KCNIP4: variants seen among roughly 807,000 people sequenced by gnomAD.
KCNIP4 encodes potassium voltage-gated channel interacting protein 4.
KCNIP4 carries 12 observed loss-of-function variants against 34.0 expected under a neutral mutation model. That is an observed-to-expected ratio of 0.35 (90% CI 0.23 to 0.57). The LOEUF is 0.57. Ranked by LOEUF, KCNIP4 falls within the 20% of genes least tolerant of loss-of-function variation. The pLI is 0.83. For missense variants in KCNIP4, 238 were observed against 311.7 expected, an observed-to-expected ratio of 0.76 and a Z score of 1.78; for synonymous variants, 124 against 102.2, an observed-to-expected ratio of 1.21 and a Z score of -1.29.
intron 1 of KCNIP4, among the ~76,000 whole-genome samples, chr4:21,199,732 A>ACATGCACACATATGTTTATTACAG (rs1553953101): frequency 1.3e-3 from 199 of 151,232 alleles, no homozygotes; most frequent in African/African-American, 4.5e-3. Flanking sequence ...CTATAAAGAT[A>ACATGCACACATATGTTTATTACAG]CATGCACACA....
intron 1 of KCNIP4, among the ~76,000 whole-genome samples, chr4:21,520,551 A>C (rs1247407374): frequency 6.6e-6 from 1 of 152,146 alleles, no homozygotes; most frequent in East Asian, 1.9e-4. Context: ...AAATTCACAG[A>C]AGCGTTATTT....
At chr4:21,502,694 A>G (rs1733468844) in intron 1 of KCNIP4, among the ~76,000 whole-genome samples, 1 of 152,156 alleles carries the variant, frequency 6.6e-6, no homozygotes, top group Non-Finnish European at 1.5e-5. Context: ...TTATGAAATC[A>G]GAAATGTTAA....
intron 1 of KCNIP4, among the ~76,000 whole-genome samples, chr4:21,790,983 A>C (rs1560716885): frequency 6.6e-6 from 1 of 150,424 alleles, no homozygotes; most frequent in African/African-American, 2.5e-5. Flanking sequence ...AAAAAAAAAA[A>C]AAAAAAAAAA....
intron 1 of KCNIP4, among the ~76,000 whole-genome samples, chr4:21,537,905 G>A (rs1345848009): frequency 2.0e-5 from 3 of 150,818 alleles, no homozygotes; most frequent in Admixed American, 6.6e-5. Flanking sequence ...CCAGCTACTC[G>A]GGAGGCTGAG....
At chr4:21,637,873 G>A (rs1450283786) in intron 1 of KCNIP4, among the ~76,000 whole-genome samples, 2 of 151,624 alleles carry the variant, frequency 1.3e-5, no homozygotes, top group Non-Finnish European at 2.9e-5. Flanking sequence ...GTGGCTGAAC[G>A]GCAGTTCAAA....
intron 3 of KCNIP4, chr4:20,767,229 C>T (rs905829178): frequency 4.6e-5 from 7 of 152,222 alleles, no homozygotes; most frequent in East Asian, 3.9e-4. Flanking sequence ...ATATGAATTA[C>T]GCTTTCTATT....
intron 1 of KCNIP4, among the ~76,000 whole-genome samples, chr4:21,784,952 C>A (rs1331359051): frequency 6.6e-6 from 1 of 152,164 alleles, no homozygotes; most frequent in Admixed American, 6.5e-5. Context: ...GCTAAAATAG[C>A]TGATGTACAG....
At chr4:20,925,789 A>C (rs907525245) in intron 1 of KCNIP4, among the ~76,000 whole-genome samples, 3 of 152,218 alleles carry the variant, frequency 2.0e-5, no homozygotes, top group Non-Finnish European at 4.4e-5. Context: ...GCAGGAGGAC[A>C]CAAAACAAAA....
intron 5 of KCNIP4, among the ~76,000 whole-genome samples, chr4:20,743,333 C>G (rs1480476438): frequency 6.6e-6 from 1 of 152,176 alleles, no homozygotes; most frequent in Non-Finnish European, 1.5e-5. Flanking sequence ...GCCAAAAGAA[C>G]AAAGCTGGAG....
intron 1 of KCNIP4, among the ~76,000 whole-genome samples, chr4:21,206,406 A>G (rs1756856576): frequency 6.6e-6 from 1 of 152,214 alleles, no homozygotes. Flanking sequence ...TTTTGTTTCT[A>G]ATAGTTGAAA....
At chr4:21,833,402 T>C (rs1560748276) in intron 1 of KCNIP4, among the ~76,000 whole-genome samples, 3 of 152,288 alleles carry the variant, frequency 2.0e-5, no homozygotes, top group South Asian at 2.1e-4. Flanking sequence ...TTGAGAAGTG[T>C]CTGTTCATGT....
intron 5 of KCNIP4, among the ~76,000 whole-genome samples, chr4:20,744,172 A>G (rs939848075): frequency 1.1e-4 from 16 of 152,340 alleles, no homozygotes; most frequent in South Asian, 2.1e-4. Flanking sequence ...GTGGGACTGT[A>G]AACTAGTTCA....
At chr4:21,588,447 G>C (rs1560539483) in intron 1 of KCNIP4, among the ~76,000 whole-genome samples, 1 of 151,964 alleles carries the variant, frequency 6.6e-6, no homozygotes, top group Admixed American at 6.6e-5. Flanking sequence ...ATGCTAATTA[G>C]GTATGTGAGG....
rs71193413 is a variant in KCNIP4 at position 21,822,719 on chromosome 4, C to CTT, written c.61+125850_61+125851dup. 8.9e-3 allele frequency among the ~76,000 whole-genome samples: 1,227 copies of CTT among 137,762 alleles called. 20 individuals are homozygous for CTT. The highest frequency in any genetic ancestry group is 0.026 in the African/African-American group (970 of 37,488). The allele number at this position is 137,762 out of a possible 152,430, so 90.4% of individuals were successfully genotyped here. The stretch of plus-strand genomic sequence containing the variant: ...AGTACAAAGTATATTATTAATTTTC[C>CTT]TTTTTTTTTTTTTTTTGAGATGGAG... On this transcript the variant is annotated intron_variant, in intron 1 of 8. Coordinates refer to ENST00000382152, the MANE Select transcript of KCNIP4 (RefSeq NM_025221.6).
rs540852086 is a variant in KCNIP4 at position 21,664,566 on chromosome 4, AGC to A, written c.61+284003_61+284004del. Among the ~76,000 whole-genome samples the A allele has an allele frequency of 1.1e-4, 17 of 152,316 alleles. No homozygotes were observed. In the South Asian group the frequency reaches 3.5e-3, roughly 32 times the overall value. On this transcript the variant is annotated intron_variant, in intron 1 of 8. Coordinates refer to ENST00000382152, the MANE Select transcript of KCNIP4 (RefSeq NM_025221.6). ...GGAATGTGGGCCTATCTAGGAAGAT[AGC>A]AAAGTCGTTAAAAGTGAAGTTTCTG...
At chr4:20,936,757 AT>A (rs1179102317) in intron 1 of KCNIP4, among the ~76,000 whole-genome samples, 1 of 152,120 alleles carries the variant, frequency 6.6e-6, no homozygotes, top group Non-Finnish European at 1.5e-5. Context: ...TTATTTTTCA[AT>A]CCCTCACCAT....
chr4:20,816,253 C>CAA (rs534519786), intron 3 of KCNIP4, among the ~76,000 whole-genome samples: 37 of 84,588 alleles, frequency 4.4e-4, no homozygotes, highest in South Asian at 2.7e-3. Context: ...GACTCCATCT[C>CAA]AAAAAAAAAA....
chr4:21,006,620 A>G (rs1560639785), intron 1 of KCNIP4, among the ~76,000 whole-genome samples: 1 of 152,214 alleles, frequency 6.6e-6, no homozygotes, highest in Admixed American at 6.5e-5. Context: ...GATTCTACAG[A>G]AGCATGGAAG....
chr4:21,235,214 G>A (rs1024295215), intron 1 of KCNIP4, among the ~76,000 whole-genome samples: 2 of 152,066 alleles, frequency 1.3e-5, no homozygotes, highest in Non-Finnish European at 2.9e-5. Context: ...AATTTCTGTT[G>A]AGGTTAATGA....
Sources: gnomAD v4.1 joint callset for allele counts (sites outside exome capture counted in the v4.1 genomes callset) on GRCh38, gnomAD v4.1.1 for gene constraint, MANE v1.5 for transcripts, NCBI Gene and HGNC (gene_info 2026-07-23, HGNC 2026-07-21) for gene names.